The following PSPC1 variants were observed in gnomAD, a reference collection of about 807,000 sequenced individuals.
PSPC1 encodes paraspeckle component 1.
Under a neutral mutation model 51.6 loss-of-function variants are expected in PSPC1, and 14 were observed. The ratio of observed to expected loss-of-function variants is 0.27; its 90% CI spans 0.18 to 0.42. PSPC1 has a LOEUF of 0.42. Among genes scored for constraint, PSPC1 ranks in the 10% least tolerant of loss-of-function variants. PSPC1 has a pLI of 1.00. For missense variants in PSPC1, 406 were observed against 701.1 expected, an observed-to-expected ratio of 0.58 and a Z score of 4.75; for synonymous variants, 193 against 231.9, an observed-to-expected ratio of 0.83 and a Z score of 1.53.
intron 5 of PSPC1, among the ~76,000 whole-genome samples, chr13:19,732,166 C>A (rs1202716505): frequency 6.6e-6 from 1 of 152,194 alleles, no homozygotes; most frequent in African/African-American, 2.4e-5. Context: ...TAAGGGATTT[C>A]ACGCAAAATC....
chr13:19,721,888 A>G (rs1882817229), intron 6 of PSPC1, among the ~76,000 whole-genome samples: 2 of 152,228 alleles, frequency 1.3e-5, no homozygotes, highest in South Asian at 4.1e-4. Context: ...GTCTATAAAA[A>G]TGTATCAGCA....
chr13:19,778,076 T>C (rs927194686), intron 1 of PSPC1, among the ~76,000 whole-genome samples: 1 of 151,594 alleles, frequency 6.6e-6, no homozygotes, highest in African/African-American at 2.4e-5. Flanking sequence ...ACCCCGTCTC[T>C]ACTAAAAATA....
rs200647492 is a variant in PSPC1, at chr13:19,748,779, T to C, written c.967+2492A>G. On this transcript the variant is annotated intron_variant, in intron 4 of 8. Transcript: ENST00000338910. ...GGAAACAAAATGGCAGAGAAGTGCC[T>C]AGCAGGCTAAGAGAAAACAATTCAT... Among the ~76,000 whole-genome samples, 144 of 148,550 alleles carry C rather than the reference T, an allele frequency of 9.7e-4. 1 individual carries two copies. The East Asian group carries it at 0.027, about 27-fold the overall frequency.
chr13:19,771,735 C>A (rs1252833971), intron 2 of PSPC1, among the ~76,000 whole-genome samples: 1 of 152,056 alleles, frequency 6.6e-6, no homozygotes, highest in Non-Finnish European at 1.5e-5. Context: ...ATTCTTGAGC[C>A]TCAGCCTCCC....
chr13:19,739,790 T>C (rs887897459), intron 5 of PSPC1, among the ~76,000 whole-genome samples: 4 of 145,988 alleles, frequency 2.7e-5, no homozygotes, highest in East Asian at 4.0e-4. Flanking sequence ...AACATGTCTA[T>C]ATAAAAAGGA....
At chr13:19,675,356 A>G (rs1383552715) in intron 7 of PSPC1, 1 of 152,192 alleles carries the variant, frequency 6.6e-6, no homozygotes, top group Admixed American at 6.5e-5. Context: ...ACTACTTCCC[A>G]ACACGAACCA....
chr13:19,756,003 A>G (rs747567591), intron 3 of PSPC1, among the ~76,000 whole-genome samples: 36 of 152,058 alleles, frequency 2.4e-4, no homozygotes, highest in Non-Finnish European at 4.9e-4. Context: ...TTGGGAGGCC[A>G]AGGTGGGTGG....
At chr13:19,778,018 C>A (rs965156517) in intron 1 of PSPC1, among the ~76,000 whole-genome samples, 1 of 152,040 alleles carries the variant, frequency 6.6e-6, no homozygotes, top group Non-Finnish European at 1.5e-5. Flanking sequence ...CCAAGGCGGG[C>A]GGATCACGAG....
intron 5 of PSPC1, among the ~76,000 whole-genome samples, chr13:19,732,358 C>A (rs1252904968): frequency 6.6e-6 from 1 of 152,080 alleles, no homozygotes; most frequent in Non-Finnish European, 1.5e-5. Context: ...CAATAAAGGT[C>A]AAATGTGTTG....
At chr13:19,729,718 A>T (rs1302663336) in intron 6 of PSPC1, among the ~76,000 whole-genome samples, 1 of 152,104 alleles carries the variant, frequency 6.6e-6, no homozygotes, top group African/African-American at 2.4e-5. Flanking sequence ...TTAAAATATG[A>T]TAAAGATTTT....
intron 5 of PSPC1, among the ~76,000 whole-genome samples, chr13:19,733,937 A>G (rs946531238): frequency 1.3e-5 from 2 of 152,038 alleles, no homozygotes; most frequent in Non-Finnish European, 2.9e-5. Flanking sequence ...TGGGTGACAG[A>G]GTGAGATTCT....
rs187481571 is a variant in PSPC1, at chr13:19,738,949, A to G, written c.1052+2616T>C. 4.5e-3 allele frequency among the ~76,000 whole-genome samples: 685 copies of G among 152,152 alleles called. 5 individuals are homozygous for G. The highest frequency in any genetic ancestry group is 0.027 in the South Asian group (128 of 4,826). On this transcript the variant is annotated intron_variant, in intron 5 of 8. Transcript: ENST00000338910. The stretch of plus-strand genomic sequence containing the variant: ...GAATGACAAGTTTAAAAAGTCTGTT[A>G]ATGTTAGTATATACACAATTTTTCC...
rs11446310 is a variant in PSPC1 at position 19,709,158 on chromosome 13, C to CAAAAA, written c.1216+379_1216+383dup. Among the ~76,000 whole-genome samples, 64 of 83,638 alleles carry CAAAAA rather than the reference C, an allele frequency of 7.7e-4. 3 individuals are homozygous for CAAAAA. Among genetic ancestry groups the CAAAAA allele is most frequent in the African/African-American group, 2.7e-3 (56 of 20,572 alleles). The allele number at this position is 83,638 out of a possible 152,430, so 54.9% of individuals were successfully genotyped here. The stretch of plus-strand genomic sequence containing the variant: ...TGGGCAACAGAGTGAGGTCCTGCCT[C>CAAAAA]AAAAAAAAAAAAAAAAAAAAAGCCA... On this transcript the variant is annotated intron_variant, in intron 7 of 8. Coordinates refer to ENST00000338910, the MANE Select transcript of PSPC1 (RefSeq NM_001354909.2).
Position 19,681,551 on chromosome 13 carries a change from G to A in PSPC1, c.1159-3728C>T, listed in dbSNP as rs149952129. ...AAACAGGATTTTAACAATGGCATAT[G>A]TTGAAAGATGCCTAAAAGGCAAGGA... is the stretch of plus-strand genomic sequence containing the variant. On this transcript the variant is annotated intron_variant and NMD_transcript_variant, in intron 6 of 7. Coordinates refer to the PSPC1 transcript ENST00000471658. 8.6e-3 allele frequency among the ~76,000 whole-genome samples: 1,307 copies of A among 152,288 alleles called. 22 individuals are homozygous for A. Among genetic ancestry groups the A allele is most frequent in the African/African-American group, 0.03 (1,251 of 41,554 alleles).
chr13:19,689,166 G>T (rs1451189652), intron 6 of PSPC1, among the ~76,000 whole-genome samples: 1 of 152,176 alleles, frequency 6.6e-6, no homozygotes, highest in Non-Finnish European at 1.5e-5. Context: ...AAGCACTGAG[G>T]TCTGAAGGGT....
chr13:19,751,059 G>A (rs1293295266), intron 4 of PSPC1, among the ~76,000 whole-genome samples: 1 of 151,778 alleles, frequency 6.6e-6, no homozygotes, highest in South Asian at 2.1e-4. Context: ...GTGAGCCACC[G>A]CGCCCGTCAA....
intron 4 of PSPC1, among the ~76,000 whole-genome samples, chr13:19,749,456 G>A (rs557773193): frequency 1.1e-4 from 17 of 151,344 alleles, no homozygotes; most frequent in African/African-American, 3.6e-4. Context: ...CAACATGGGA[G>A]GCGGAAGTTG....
chr13:19,762,922 A>G (rs1471827380), intron 2 of PSPC1, among the ~76,000 whole-genome samples: 1 of 152,112 alleles, frequency 6.6e-6, no homozygotes, highest in Non-Finnish European at 1.5e-5. Flanking sequence ...CCTGACCAAC[A>G]TGGTGAAACC....
At chr13:19,739,454 T>C (rs1217919986) in intron 5 of PSPC1, among the ~76,000 whole-genome samples, 2 of 152,052 alleles carry the variant, frequency 1.3e-5, no homozygotes, top group African/African-American at 2.4e-5. Context: ...TTGTTAAAAA[T>C]AGAAAAGATC....
Sources: allele counts gnomAD v4.1 joint callset (sites outside exome capture counted in the v4.1 genomes callset), GRCh38; gene constraint gnomAD v4.1.1; transcripts MANE v1.5; gene names NCBI Gene and HGNC (gene_info 2026-07-23, HGNC 2026-07-21).